Variants in PPP1R1C observed in about 807,000 individuals in gnomAD.
PPP1R1C encodes protein phosphatase 1 regulatory subunit 1C.
In PPP1R1C, 15 loss-of-function variants were observed where a neutral mutation model predicts 17.4. The observed-to-expected ratio is 0.86, with a 90% confidence interval of 0.58 to 1.33. The LOEUF (loss-of-function observed/expected upper bound fraction) is 1.33. Among genes scored for constraint, PPP1R1C ranks in the 40% most tolerant of loss-of-function variants. The pLI is 0.00. For synonymous variants in PPP1R1C, 35 were observed against 43.1 expected (o/e 0.81, Z 0.73); for missense variants, 143 against 130.0 (o/e 1.10, Z -0.48).
At chr2:182,082,180 T>C (rs1435817077) in intron 4 of PPP1R1C, among the ~76,000 whole-genome samples, 3 of 152,190 alleles carry the variant, frequency 2.0e-5, no homozygotes, top group Non-Finnish European at 4.4e-5. Flanking sequence ...TTAGGAATTC[T>C]CACTTCACCC....
At chr2:181,991,335 C>G (rs1194928853) in intron 2 of PPP1R1C, among the ~76,000 whole-genome samples, 3 of 152,004 alleles carry the variant, frequency 2.0e-5, no homozygotes, top group Non-Finnish European at 4.4e-5. Flanking sequence ...GCATAATGTC[C>G]CATCAGTCCC....
At chr2:182,088,914 A>G (rs544411721) in intron 4 of PPP1R1C, among the ~76,000 whole-genome samples, 140 of 152,332 alleles carry the variant, frequency 9.2e-4, no homozygotes, top group Non-Finnish European at 1.6e-3. Flanking sequence ...CCTTATTCAA[A>G]TTCATTTACT....
chr2:182,096,687 AC>A (rs5836814), intron 4 of PPP1R1C, among the ~76,000 whole-genome samples: 48,857 of 152,030 alleles, frequency 0.32, 9,235 homozygotes, highest in Non-Finnish European at 0.41. Context: ...CAGATGATTA[AC>A]ATGGCTGGTT....
chr2:182,017,910 T>C (rs576668796), intron 2 of PPP1R1C, among the ~76,000 whole-genome samples: 1 of 152,254 alleles, frequency 6.6e-6, no homozygotes, highest in African/African-American at 2.4e-5. Flanking sequence ...TTGTTTTGCA[T>C]TGTAAAACAA....
chr2:182,078,813 G>A (rs1688390859), intron 4 of PPP1R1C, among the ~76,000 whole-genome samples: 1 of 152,216 alleles, frequency 6.6e-6, no homozygotes, highest in Admixed American at 6.5e-5. Flanking sequence ...TGCCCAATAT[G>A]TAGCAGGTGT....
At chr2:182,050,083 A>T (rs955558668) in intron 2 of PPP1R1C, among the ~76,000 whole-genome samples, 1 of 152,174 alleles carries the variant, frequency 6.6e-6, no homozygotes, top group African/African-American at 2.4e-5. Flanking sequence ...GCTGTCTTTT[A>T]TAATTTATCC....
intron 4 of PPP1R1C, among the ~76,000 whole-genome samples, chr2:182,107,061 A>G (rs1299017765): frequency 6.6e-6 from 1 of 152,210 alleles, no homozygotes; most frequent in African/African-American, 2.4e-5. Context: ...ACATTTACAG[A>G]TACTGAGGGC....
At chr2:181,972,879 A>G (rs1194494342) in intron 1 of PPP1R1C, among the ~76,000 whole-genome samples, 2 of 152,222 alleles carry the variant, frequency 1.3e-5, no homozygotes, top group African/African-American at 2.4e-5. Context: ...ACTGGAAAAT[A>G]AAGCTTAGCA....
intron 4 of PPP1R1C, among the ~76,000 whole-genome samples, chr2:182,068,254 A>G (rs1483157919): frequency 6.6e-6 from 1 of 152,194 alleles, no homozygotes; most frequent in African/African-American, 2.4e-5. Flanking sequence ...GAATGAAACA[A>G]AATGTGTAAA....
chr2:181,974,791 G>C (rs972869962), intron 1 of PPP1R1C, among the ~76,000 whole-genome samples: 5 of 152,218 alleles, frequency 3.3e-5, no homozygotes, highest in African/African-American at 1.2e-4. Flanking sequence ...AGTGAGAGTA[G>C]TTAGGCAGCA....
At chr2:182,102,898 C>T (rs1689139828) in intron 4 of PPP1R1C, among the ~76,000 whole-genome samples, 1 of 151,944 alleles carries the variant, frequency 6.6e-6, no homozygotes, top group African/African-American at 2.4e-5. Flanking sequence ...CACTGCACTC[C>T]TGGACTCAAG....
At chr2:182,014,786 C>T (rs1185263482) in intron 2 of PPP1R1C, among the ~76,000 whole-genome samples, 1 of 151,822 alleles carries the variant, frequency 6.6e-6, no homozygotes, top group African/African-American at 2.4e-5. Context: ...TCTTCCATCT[C>T]ATTTCCTCAA....
chr2:182,046,622 C>G (rs1687355200), intron 2 of PPP1R1C, among the ~76,000 whole-genome samples: 1 of 151,306 alleles, frequency 6.6e-6, no homozygotes, highest in African/African-American at 2.4e-5. Context: ...GCCTGTGATC[C>G]CAGCTACTCG....
intron 4 of PPP1R1C, among the ~76,000 whole-genome samples, chr2:182,101,070 C>T (rs1008852121): frequency 2.0e-5 from 3 of 152,184 alleles, no homozygotes; most frequent in African/African-American, 7.2e-5. Context: ...TCATAAAGAA[C>T]AAATTAGGAA....
chr2:182,035,296 CTAAG>C (rs1346027162), intron 2 of PPP1R1C, among the ~76,000 whole-genome samples: 1 of 152,088 alleles, frequency 6.6e-6, no homozygotes. Context: ...ATTCAAATGC[CTAAG>C]TAAAATATTT....
intron 4 of PPP1R1C, among the ~76,000 whole-genome samples, chr2:182,081,029 A>C (rs149155539): frequency 1.3e-5 from 2 of 152,344 alleles, no homozygotes; most frequent in East Asian, 3.9e-4. Flanking sequence ...TAAACTCTTT[A>C]AAACTCTTAC....
chr2:182,029,358 T>C (rs1686739535), intron 2 of PPP1R1C, among the ~76,000 whole-genome samples: 1 of 152,208 alleles, frequency 6.6e-6, no homozygotes, highest in South Asian at 2.1e-4. Context: ...TACCGGTTGT[T>C]CCTTTCCATG....
At chr2:182,079,745 C>T (rs1264924507) in intron 4 of PPP1R1C, among the ~76,000 whole-genome samples, 1 of 152,172 alleles carries the variant, frequency 6.6e-6, no homozygotes, top group Non-Finnish European at 1.5e-5. Context: ...GGGCCATGCT[C>T]CCACTGAAGG....
chr2:182,031,285 A>G (rs1686827126), intron 2 of PPP1R1C, among the ~76,000 whole-genome samples: 1 of 152,248 alleles, frequency 6.6e-6, no homozygotes, highest in Admixed American at 6.5e-5. Flanking sequence ...ATCTGGCATA[A>G]GATTCACCTG....
Sources: gnomAD v4.1 joint callset for allele counts (sites outside exome capture counted in the v4.1 genomes callset) on GRCh38, gnomAD v4.1.1 for gene constraint, MANE v1.5 for transcripts, NCBI Gene and HGNC (gene_info 2026-07-23, HGNC 2026-07-21) for gene names.